Variants in SCAPER observed in about 807,000 individuals in gnomAD.
SCAPER encodes S-phase cyclin A associated protein in the ER.
In SCAPER, 98 loss-of-function variants were observed where a neutral mutation model predicts 182.2. The ratio of observed to expected loss-of-function variants is 0.54; its 90% CI spans 0.46 to 0.64. The LOEUF is 0.64. Ranked by LOEUF, SCAPER falls within the 30% of genes least tolerant of loss-of-function variation. SCAPER has a pLI of 0.00. For missense variants in SCAPER, 1,432 were observed against 1,690.0 expected, an observed-to-expected ratio of 0.85 and a Z score of 2.68; for synonymous variants, 605 against 564.6, an observed-to-expected ratio of 1.07 and a Z score of -1.01.
chr15:76,772,258 C>A (rs966275967), intron 9 of SCAPER, among the ~76,000 whole-genome samples: 2 of 151,874 alleles, frequency 1.3e-5, no homozygotes, highest in Non-Finnish European at 2.9e-5. Context: ...TATTTTGTAT[C>A]CTTCGCAAAT....
chr15:76,897,476 C>T (rs1279518405), intron 1 of SCAPER, among the ~76,000 whole-genome samples: 1 of 151,946 alleles, frequency 6.6e-6, no homozygotes, highest in African/African-American at 2.4e-5. Context: ...GAGGCTGAGG[C>T]GGAGAGATTG....
intron 15 of SCAPER, among the ~76,000 whole-genome samples, chr15:76,745,037 C>G (rs2061723257): frequency 1.3e-5 from 2 of 152,058 alleles, no homozygotes; most frequent in Non-Finnish European, 2.9e-5. Flanking sequence ...TGAATTAATG[C>G]AGGAACAGTA....
intron 23 of SCAPER, among the ~76,000 whole-genome samples, chr15:76,540,220 GCAAGACCCTGTCTCTA>G (rs1468966126): frequency 6.6e-6 from 1 of 151,942 alleles, no homozygotes; most frequent in Non-Finnish European, 1.5e-5. Context: ...GGGCAACATA[GCAAGACCCTGTCTCTA>G]CAAAAAAATA....
intron 5 of SCAPER, among the ~76,000 whole-genome samples, chr15:76,809,367 G>T (rs1299446231): frequency 6.6e-6 from 1 of 152,242 alleles, no homozygotes; most frequent in African/African-American, 2.4e-5. Context: ...AAGGTCAGAA[G>T]GAGTAATGCA....
At chr15:76,627,899 C>T (rs999092686) in intron 21 of SCAPER, among the ~76,000 whole-genome samples, 9 of 152,178 alleles carry the variant, frequency 5.9e-5, no homozygotes, top group Non-Finnish European at 1.2e-4. Context: ...AATTTACATT[C>T]CCACCAACAG....
intron 8 of SCAPER, among the ~76,000 whole-genome samples, chr15:76,786,490 C>T (rs996564257): frequency 2.6e-5 from 4 of 152,050 alleles, no homozygotes; most frequent in Non-Finnish European, 4.4e-5. Flanking sequence ...TGGTAACTTC[C>T]TCAACTTGAT....
intron 22 of SCAPER, among the ~76,000 whole-genome samples, chr15:76,612,859 C>T (rs887905156): frequency 6.6e-6 from 1 of 152,058 alleles, no homozygotes; most frequent in Non-Finnish European, 1.5e-5. Flanking sequence ...AAGCAGTTTA[C>T]TAAATTCAAT....
At chr15:76,785,532 T>C (rs1306775252) in intron 8 of SCAPER, among the ~76,000 whole-genome samples, 1 of 152,232 alleles carries the variant, frequency 6.6e-6, no homozygotes, top group African/African-American at 2.4e-5. Flanking sequence ...ACTGGGTATA[T>C]ACCCAAAGGA....
intron 17 of SCAPER, among the ~76,000 whole-genome samples, chr15:76,707,487 T>G (rs889120330): frequency 9.9e-5 from 15 of 152,086 alleles, no homozygotes; most frequent in African/African-American, 3.6e-4. Flanking sequence ...CAGAGACAAT[T>G]TGACATTAAT....
At chr15:76,845,599 C>T (rs1417616133) in intron 4 of SCAPER, among the ~76,000 whole-genome samples, 1 of 151,718 alleles carries the variant, frequency 6.6e-6, no homozygotes, top group Non-Finnish European at 1.5e-5. Context: ...ATGGTAATTC[C>T]ATTTACAGTA....
At chr15:76,864,124 C>T (rs1599168337) in intron 2 of SCAPER, among the ~76,000 whole-genome samples, 4 of 152,192 alleles carry the variant, frequency 2.6e-5, no homozygotes, top group Non-Finnish European at 4.4e-5. Context: ...TAGATGAATG[C>T]ACCCTAACAC....
intron 30 of SCAPER, 137 bp from the exon 31 acceptor site, chr15:76,351,425 A>C: frequency 1.6e-6 from 1 of 626,616 alleles, no homozygotes; most frequent in Non-Finnish European, 2.6e-6. Flanking sequence ...AACGCTGAAG[A>C]AACTGATGTT....
intron 6 of SCAPER, among the ~76,000 whole-genome samples, chr15:76,801,788 C>T (rs1307712546): frequency 2.0e-5 from 3 of 151,900 alleles, no homozygotes; most frequent in East Asian, 3.9e-4. Context: ...GGCGTGGTGG[C>T]GGGTGCCTGT....
chr15:76,746,691 C>T (rs893152582), intron 15 of SCAPER, among the ~76,000 whole-genome samples: 4 of 152,006 alleles, frequency 2.6e-5, no homozygotes, highest in Non-Finnish European at 5.9e-5. Context: ...GACATAAGAT[C>T]AATATATAAA....
chr15:76,671,909 C>T (rs1387012137), intron 20 of SCAPER, among the ~76,000 whole-genome samples: 1 of 152,070 alleles, frequency 6.6e-6, no homozygotes, highest in African/African-American at 2.4e-5. Flanking sequence ...AACAGTTACT[C>T]ACTGGAGAGT....
chr15:76,542,583 A>AAAAT lies in SCAPER; in HGVS notation c.2838+31574_2838+31575insATTT, dbSNP rs1567404496. Among the ~76,000 whole-genome samples the AAAAT allele has an allele frequency of 8.1e-5, 12 of 148,546 alleles. 1 individual carries two copies. Among genetic ancestry groups the AAAAT allele is most frequent in the South Asian group, 6.5e-4 (3 of 4,618 alleles). On this transcript the variant is annotated intron_variant, in intron 23 of 31. Transcript: ENST00000563290. ...TAAAATAAAATAAAATAAAATAAAA[A>AAAAT]AAAGAATCCACAACCCCTACACAAG... is the stretch of plus-strand genomic sequence containing the variant.
intron 21 of SCAPER, among the ~76,000 whole-genome samples, chr15:76,641,397 G>A (rs757078089): frequency 6.6e-6 from 1 of 151,606 alleles, no homozygotes; most frequent in Non-Finnish European, 1.5e-5. Context: ...ACCTACTCCC[G>A]CCCTCACTAA....
intron 20 of SCAPER, among the ~76,000 whole-genome samples, chr15:76,680,278 G>C (rs868171460): frequency 1.3e-5 from 2 of 151,870 alleles, no homozygotes; most frequent in Admixed American, 6.6e-5. Flanking sequence ...AAAGTAGAAT[G>C]ACAGAAAATG....
Position 76,718,793 on chromosome 15 carries a change from T to A in SCAPER, c.2165+9802A>T, listed in dbSNP as rs181158552. ...CCAAAGAAGTCATAGTCAGTAGATA[T>A]ATGGAAAGGTGATGTACACCATTAA... On this transcript the variant is annotated intron_variant, in intron 17 of 31. Coordinates refer to ENST00000563290, the MANE Select transcript of SCAPER (RefSeq NM_020843.4). 2.6e-5 allele frequency among the ~76,000 whole-genome samples: 4 copies of A among 152,216 alleles called. No individual in the cohort carries two copies. The East Asian group carries it at 5.8e-4, about 22-fold the overall frequency.
Sources: allele counts gnomAD v4.1 joint callset (sites outside exome capture counted in the v4.1 genomes callset), GRCh38; gene constraint gnomAD v4.1.1; transcripts MANE v1.5; gene names NCBI Gene and HGNC (gene_info 2026-07-23, HGNC 2026-07-21).